The following OR3A2 variants were observed in gnomAD, a reference collection of about 807,000 sequenced individuals.
OR3A2 encodes the protein olfactory receptor 3A2.
For synonymous variants in OR3A2, 126 were observed against 159.3 expected (o/e 0.79, Z 1.57); for missense variants, 318 against 392.8 (o/e 0.81, Z 1.61).
At chr17:3,293,153 TA>T (rs35282171) in intron 3 of OR3A2, among the ~76,000 whole-genome samples, 216 of 140,870 alleles carry the variant, frequency 1.5e-3, no homozygotes, top group Non-Finnish European at 2.1e-3. Flanking sequence ...ATAATTCTCT[TA>T]AAAAAAAAAA....
chr17:3,313,463 T>G (rs1187541236), intron 3 of OR3A2, among the ~76,000 whole-genome samples: 2 of 152,198 alleles, frequency 1.3e-5, no homozygotes, highest in Non-Finnish European at 2.9e-5. Context: ...CCTCCCTAAC[T>G]CAGTGCTGTC....
chr17:3,382,684 C>A (rs567243614), intron 2 of OR3A2, among the ~76,000 whole-genome samples: 1 of 152,334 alleles, frequency 6.6e-6, no homozygotes, highest in East Asian at 1.9e-4. Context: ...CTTCTTATAC[C>A]TTCACATTCT....
chr17:3,335,836 G>T (rs969090455), intron 3 of OR3A2, among the ~76,000 whole-genome samples, 193 bp downstream of exon 2: 1 of 152,050 alleles, frequency 6.6e-6, no homozygotes, highest in Admixed American at 6.6e-5. Flanking sequence ...ACACCACCTG[G>T]CTTCTCTCAA....
At position 3,310,340 on chromosome 17, in the gene OR3A2, A is replaced by G. The variant is rs138229948; in HGVS notation, c.-85+25693T>C. Reference sequence around the variant, plus strand: ...ATCTGGGGAACTCAGGGAATGATTCAGTTGTGACCAAGTTTGTCCTGCTGG... The same window carrying G: ...ATCTGGGGAACTCAGGGAATGATTCGGTTGTGACCAAGTTTGTCCTGCTGG... On this transcript the variant is annotated intron_variant, in intron 3 of 4. Coordinates refer to the OR3A2 transcript ENST00000573491. 3 of 534,462 alleles carry G rather than the reference A, an allele frequency of 5.6e-6. No individual in the cohort carries two copies. In the African/African-American group the frequency reaches 5.8e-5, roughly 10 times the overall value. The allele number at this position is 534,462 out of a possible 1,614,324, so 33.1% of individuals were successfully genotyped here.
chr17:3,331,073 G>A (rs1420233187), intron 3 of OR3A2, among the ~76,000 whole-genome samples: 7 of 152,136 alleles, frequency 4.6e-5, no homozygotes, highest in African/African-American at 9.7e-5. Flanking sequence ...GGTTTCTGCC[G>A]AGAGATCAGC....
intron 3 of OR3A2, among the ~76,000 whole-genome samples, chr17:3,328,949 T>C (rs2049203281): frequency 1.3e-5 from 2 of 151,738 alleles, no homozygotes; most frequent in South Asian, 4.2e-4. Flanking sequence ...AAAGGCCTTT[T>C]CTGCATCTAT....
intron 2 of OR3A2, among the ~76,000 whole-genome samples, chr17:3,380,173 G>A (rs540713128): frequency 1.3e-5 from 2 of 152,220 alleles, no homozygotes; most frequent in Non-Finnish European, 2.9e-5. Flanking sequence ...TGGGTGAGCT[G>A]TGGAGGGCAG....
At position 3,292,160 on chromosome 17, in the gene OR3A2, C is replaced by G. The variant is rs371724964; in HGVS notation, c.-84-13007G>C. 1.7e-5 allele frequency: 27 copies of G among 1,614,052 alleles called. No individual in the cohort carries two copies. The African/African-American group carries it at 2.0e-4, about 12-fold the overall frequency. On this transcript the variant is annotated intron_variant, in intron 3 of 4. Transcript: ENST00000573491. ...CAGCCACCAACATCCTCTGGACTGT[C>G]TGACTCATGCGGGTGCTGTAGGTGA...
At chr17:3,367,587 A>ATGTGTGTG (rs1384377907) in intron 2 of OR3A2, among the ~76,000 whole-genome samples, 3 of 104,090 alleles carry the variant, frequency 2.9e-5, no homozygotes, top group African/African-American at 1.4e-4. Context: ...GTATATGTAT[A>ATGTGTGTG]TGTGTGTGTG....
intron 3 of OR3A2, among the ~76,000 whole-genome samples, chr17:3,301,961 A>T (rs2048969474): frequency 6.6e-6 from 1 of 152,202 alleles, no homozygotes; most frequent in African/African-American, 2.4e-5. Context: ...AGACAAGCAG[A>T]GAGCCAAATC....
Position 3,311,506 on chromosome 17 carries a change from C to T in OR3A2, c.-85+24527G>A, listed in dbSNP as rs1333279999. 2 of 433,782 alleles carry T rather than the reference C, an allele frequency of 4.6e-6. No individual in the cohort carries two copies. Among genetic ancestry groups the T allele is most frequent in the Non-Finnish European group, 9.4e-6 (2 of 213,308 alleles). The allele number at this position is 433,782 out of a possible 1,614,324, so 26.9% of individuals were successfully genotyped here. A position where few individuals can be genotyped will look rare whatever the true frequency, so the allele number is the denominator to read the frequency against. On this transcript the variant is annotated intron_variant, in intron 3 of 4. Coordinates refer to the OR3A2 transcript ENST00000573491. The surrounding 1 kb of genome is among the most constrained non-coding windows in gnomAD (Gnocchi z 4.6). The stretch of plus-strand genomic sequence containing the variant: ...TGTGTCTGCGCTTGACTTCTGTGGC[C>T]CTAATGTGGTCAACCACTTCTACTG...
intron 2 of OR3A2, among the ~76,000 whole-genome samples, chr17:3,358,929 T>C (rs1013201830): frequency 6.6e-6 from 1 of 151,746 alleles, no homozygotes; most frequent in Non-Finnish European, 1.5e-5. Context: ...TCCTTGTAGG[T>C]CTTTAAAACT....
chr17:3,287,565 G>T (rs1311114468), upstream of OR3A2, among the ~76,000 whole-genome samples: 2 of 152,060 alleles, frequency 1.3e-5, no homozygotes, highest in African/African-American at 4.8e-5. Flanking sequence ...TTCAGAGTTG[G>T]ACTTGCTGGA....
At chr17:3,383,826 G>C (rs1447515453) in exon 2 of OR3A2, 4 of 152,136 alleles carry the variant, frequency 2.6e-5, no homozygotes, top group Non-Finnish European at 5.9e-5. Context: ...ACAGCAGTTT[G>C]CCTTGGAGTT....
At chr17:3,330,600 G>A (rs1458795499) in intron 3 of OR3A2, among the ~76,000 whole-genome samples, 5 of 151,962 alleles carry the variant, frequency 3.3e-5, no homozygotes, top group Admixed American at 6.6e-5. Context: ...TTGAGCCTAT[G>A]TGTGTCTCTA....
intron 3 of OR3A2, among the ~76,000 whole-genome samples, chr17:3,303,824 G>A (rs1268115627): frequency 1.3e-5 from 2 of 149,628 alleles, no homozygotes; most frequent in Non-Finnish European, 3.0e-5. Flanking sequence ...CCTGGGAGGC[G>A]GAGGTTGCAG....
rs965214992 is a variant in OR3A2, at chr17:3,371,870, G to C, written c.-179+11934C>G. ...GCCCGGACGGGGCGGCTGGCCGGGAGGGGAGCTGACCCCCCCACCTCCCTC... is the reference window on the plus strand; with the variant it reads ...GCCCGGACGGGGCGGCTGGCCGGGACGGGAGCTGACCCCCCCACCTCCCTC... On this transcript the variant is annotated intron_variant, in intron 2 of 4. Coordinates refer to the OR3A2 transcript ENST00000573491. 1.7e-4 allele frequency among the ~76,000 whole-genome samples: 24 copies of C among 143,938 alleles called. 3 individuals carry two copies. Among genetic ancestry groups the C allele is most frequent in the African/African-American group, 6.3e-4 (24 of 38,352 alleles). 94.4% of individuals were successfully genotyped at this position (143,938 alleles called of 152,430 possible).
At chr17:3,314,492 A>G (rs1325827885) in intron 3 of OR3A2, among the ~76,000 whole-genome samples, 1 of 127,432 alleles carries the variant, frequency 7.8e-6, no homozygotes, top group Non-Finnish European at 1.7e-5. Flanking sequence ...GAAAGTGATG[A>G]TGATGTAAAC....
intron 3 of OR3A2, among the ~76,000 whole-genome samples, chr17:3,306,026 A>C (rs919474559): frequency 1.3e-5 from 2 of 152,230 alleles, no homozygotes; most frequent in Admixed American, 1.3e-4. Context: ...AGCAAGGTGA[A>C]GAGGAGCATT....
Sources: allele counts gnomAD v4.1 joint callset (sites outside exome capture counted in the v4.1 genomes callset), GRCh38; gene constraint gnomAD v4.1.1; non-coding constraint Gnocchi (gnomAD v3.1); transcripts MANE v1.5; gene names NCBI Gene and HGNC (gene_info 2026-07-23, HGNC 2026-07-21).